Variants in IFTAP observed in about 807,000 individuals in gnomAD.
IFTAP encodes the protein intraflagellar transport associated protein, also known as intraflagellar transport-associated protein.
In IFTAP, 19 loss-of-function variants were observed where a neutral mutation model predicts 19.4. The ratio of observed to expected loss-of-function variants is 0.98; its 90% CI spans 0.68 to 1.44. The LOEUF is 1.44. IFTAP is among the 40% of genes most tolerant of loss of function. IFTAP has a pLI of 0.00. For synonymous variants in IFTAP, 85 were observed against 83.5 expected, an observed-to-expected ratio of 1.02 and a Z score of -0.10; for missense variants, 240 against 253.6, an observed-to-expected ratio of 0.95 and a Z score of 0.36.
chr11:36,639,978 A>C (rs1337739378), intron 4 of IFTAP, among the ~76,000 whole-genome samples: 2 of 152,184 alleles, frequency 1.3e-5, no homozygotes, highest in Non-Finnish European at 2.9e-5. Context: ...CTTATTCAAC[A>C]AATATTTAAG....
intron 3 of IFTAP, among the ~76,000 whole-genome samples, chr11:36,635,063 G>A (rs117488824): frequency 0.012 from 1,819 of 152,204 alleles, 22 homozygotes; most frequent in East Asian, 0.031. Context: ...ATAACTGCAG[G>A]TATGTACTTA....
chr11:36,613,898 TTTG>T (rs35231216), intron 2 of IFTAP, among the ~76,000 whole-genome samples: 21,689 of 151,274 alleles, frequency 0.14, 2,382 homozygotes, highest in East Asian at 0.59. Flanking sequence ...TACTTCTTTT[TTTG>T]TTGTTGTTGA....
intron 1 of IFTAP, among the ~76,000 whole-genome samples, chr11:36,605,287 C>T (rs73437908): frequency 6.8e-6 from 1 of 147,478 alleles, no homozygotes; most frequent in Non-Finnish European, 1.5e-5. Context: ...CCTGCCCCCC[C>T]ACTTTTTTTT....
intron 1 of IFTAP, chr11:36,597,853 T>C (rs1202492480): frequency 6.6e-6 from 1 of 152,188 alleles, no homozygotes; most frequent in African/African-American, 2.4e-5. Flanking sequence ...CTTCCTGTCT[T>C]AGGCCAGAGA....
chr11:36,642,637 C>T (rs1035006605), intron 4 of IFTAP, among the ~76,000 whole-genome samples: 1 of 152,130 alleles, frequency 6.6e-6, no homozygotes, highest in African/African-American at 2.4e-5. Flanking sequence ...AATCCAGCAG[C>T]ACATCAAAAA....
chr11:36,608,725 T>G (rs1398936792), intron 1 of IFTAP, among the ~76,000 whole-genome samples: 1 of 152,178 alleles, frequency 6.6e-6, no homozygotes, highest in East Asian at 1.9e-4. Flanking sequence ...AGTGGAATAT[T>G]GAGAATGTGA....
chr11:36,617,110 A>G (rs1047548476), intron 2 of IFTAP, among the ~76,000 whole-genome samples: 1 of 150,796 alleles, frequency 6.6e-6, no homozygotes, highest in Non-Finnish European at 1.5e-5. Flanking sequence ...TATATTGACT[A>G]TATTTGAAAT....
intron 2 of IFTAP, among the ~76,000 whole-genome samples, chr11:36,623,606 G>A (rs868385567): frequency 7.9e-5 from 12 of 152,288 alleles, no homozygotes; most frequent in Middle Eastern, 3.4e-3. Context: ...TAGTGCATGT[G>A]TCATAGGTCA....
intron 2 of IFTAP, among the ~76,000 whole-genome samples, chr11:36,612,331 T>C (rs889446966): frequency 6.6e-6 from 1 of 151,402 alleles, no homozygotes; most frequent in African/African-American, 2.4e-5. Context: ...CATTATAAAC[T>C]AATGACCTGA....
chr11:36,643,227 A>T (rs1356432950), intron 4 of IFTAP, among the ~76,000 whole-genome samples: 2 of 152,200 alleles, frequency 1.3e-5, no homozygotes, highest in Admixed American at 6.5e-5. Context: ...AGCCAAATCA[A>T]GAGTGAACTC....
intron 4 of IFTAP, among the ~76,000 whole-genome samples, chr11:36,640,537 C>T (rs1330504711): frequency 6.6e-6 from 1 of 152,112 alleles, no homozygotes; most frequent in Non-Finnish European, 1.5e-5. Flanking sequence ...TTATTTTTCT[C>T]TTTCATGAAT....
chr11:36,598,434 T>C (rs1851373440), intron 1 of IFTAP, among the ~76,000 whole-genome samples: 1 of 152,210 alleles, frequency 6.6e-6, no homozygotes, highest in South Asian at 2.1e-4. Flanking sequence ...TGGGCAAAAC[T>C]TGATTTTTAA....
intron 2 of IFTAP, among the ~76,000 whole-genome samples, chr11:36,614,860 T>G (rs1296311670): frequency 2.1e-4 from 31 of 148,268 alleles, no homozygotes; most frequent in Non-Finnish European, 3.3e-4. Flanking sequence ...GTTCTCCCAT[T>G]TTGTAGGTTG....
chr11:36,636,262 A>G, intron 4 of IFTAP, 145 bp downstream of exon 4: 2 of 636,202 alleles, frequency 3.1e-6, no homozygotes, highest in East Asian at 2.8e-5. Context: ...TATTTTTTTC[A>G]GTAACAAAAA....
intron 2 of IFTAP, among the ~76,000 whole-genome samples, chr11:36,632,203 A>G (rs574109834): frequency 1.3e-5 from 2 of 151,358 alleles, no homozygotes; most frequent in African/African-American, 4.9e-5. Flanking sequence ...TGAGGATTAA[A>G]TGAAATGATT....
At chr11:36,639,344 T>C (rs1403586525) in intron 4 of IFTAP, among the ~76,000 whole-genome samples, 1 of 152,110 alleles carries the variant, frequency 6.6e-6, no homozygotes, top group Non-Finnish European at 1.5e-5. Flanking sequence ...GCTGATTGTA[T>C]TGACTGAGAA....
intron 4 of IFTAP, among the ~76,000 whole-genome samples, chr11:36,639,773 G>A (rs1853122268): frequency 6.6e-6 from 1 of 152,140 alleles, no homozygotes; most frequent in Non-Finnish European, 1.5e-5. Flanking sequence ...CAACATTGGG[G>A]ACCAAATTTC....
In IFTAP at chr11:36,648,985, A is replaced by G. The variant is rs1387506306; in HGVS notation, c.498+830A>G. On this transcript the variant is annotated intron_variant, in intron 5 of 5. Coordinates refer to ENST00000334307, the MANE Select transcript of IFTAP (RefSeq NM_138787.4). ...TTTGCAGCTCTTCTACATATGCTTAATAAACATGTATCAATAGAGACTGTT... is the reference window on the plus strand; with the variant it reads ...TTTGCAGCTCTTCTACATATGCTTAGTAAACATGTATCAATAGAGACTGTT... Among the ~76,000 whole-genome samples the G allele has an allele frequency of 2.0e-5, 3 of 152,160 alleles. No individual in the cohort carries two copies. The East Asian group carries it at 5.8e-4, about 29-fold the overall frequency.
chr11:36,606,280 G>A (rs911219505), intron 1 of IFTAP, among the ~76,000 whole-genome samples: 1 of 152,058 alleles, frequency 6.6e-6, no homozygotes, highest in South Asian at 2.1e-4. Flanking sequence ...CCAACATGGC[G>A]AAACCCCATC....
Sources: gnomAD v4.1 joint callset for allele counts (sites outside exome capture counted in the v4.1 genomes callset) on GRCh38, gnomAD v4.1.1 for gene constraint, MANE v1.5 for transcripts, NCBI Gene and HGNC (gene_info 2026-07-23, HGNC 2026-07-21) for gene names.